The following PREP variants were observed in gnomAD, a reference collection of about 807,000 sequenced individuals.
PREP encodes dJ355L5.1 (prolyl endopeptidase).
Under a neutral mutation model 87.6 loss-of-function variants are expected in PREP, and 29 were observed. The observed-to-expected ratio is 0.33, with a 90% CI of 0.25 to 0.45. The LOEUF (loss-of-function observed/expected upper bound fraction) is 0.45. Ranked by LOEUF, PREP falls within the 20% of genes least tolerant of loss-of-function variation. The pLI, the probability that PREP is intolerant of heterozygous loss-of-function variation, is 1.00. For synonymous variants in PREP, 337 were observed against 328.6 expected, an observed-to-expected ratio of 1.03 and a Z score of -0.28; for missense variants, 695 against 886.5, an observed-to-expected ratio of 0.78 and a Z score of 2.74.
Position 105,382,270 on chromosome 6 carries a change from AACACACACACACACACAC to A in PREP, c.121-4769_121-4752del, listed in dbSNP as rs146759488. Among the ~76,000 whole-genome samples the A allele has an allele frequency of 8.5e-3, 1,216 of 143,112 alleles. 11 individuals are homozygous for A. The highest frequency in any genetic ancestry group is 0.029 in the African/African-American group (1,161 of 39,418). 93.9% of individuals were successfully genotyped at this position (143,112 alleles called of 152,430 possible). A position where few individuals can be genotyped will look rare whatever the true frequency, so the allele number is the denominator to read the frequency against. ...GCTAAGAGGGATTTTAAGCGTTCTC[AACACACACACACACACAC>A]ACACACACACACACACACACACACA... On this transcript the variant is annotated intron_variant, in intron 2 of 14. Transcript: ENST00000652536.
At chr6:105,328,617 G>A (rs1424826605) in intron 9 of PREP, among the ~76,000 whole-genome samples, 2 of 152,128 alleles carry the variant, frequency 1.3e-5, no homozygotes, top group Non-Finnish European at 2.9e-5. Context: ...CAGAGACTTG[G>A]AATATAAGAT....
rs984764815 is a variant in PREP, at chr6:105,277,510, A to AC, written c.*633dup. ...GGTCAGTGTTTGTTTATGACAGTGA[A>AC]CCCCCTCTGACAGCTTCATCACCTC... On this transcript the variant is annotated 3_prime_UTR_variant, in exon 15 of 15. Coordinates refer to ENST00000652536, the MANE Select transcript of PREP (RefSeq NM_002726.5). The AC allele has an allele frequency of 2.6e-5, 4 of 152,166 alleles. No individual in the cohort carries two copies. The highest frequency in any genetic ancestry group is 7.3e-5 in the African/African-American group (3 of 41,228). The allele number at this position is 152,166 out of a possible 1,614,324, so 9.4% of individuals were successfully genotyped here.
chr6:105,282,937 A>AAAT (rs1180836093), intron 12 of PREP, among the ~76,000 whole-genome samples: 3 of 152,236 alleles, frequency 2.0e-5, no homozygotes, highest in African/African-American at 7.2e-5. Flanking sequence ...CTGAACTTAC[A>AAAT]AATATAAAGC....
intron 2 of PREP, among the ~76,000 whole-genome samples, chr6:105,386,126 G>A (rs925791509): frequency 2.0e-5 from 3 of 152,020 alleles, no homozygotes; most frequent in Admixed American, 6.6e-5. Flanking sequence ...CTCAAAGAAA[G>A]AAAGAAAAAA....
At chr6:105,354,635 ACAC>A (rs1772044430) in intron 6 of PREP, among the ~76,000 whole-genome samples, 1 of 152,198 alleles carries the variant, frequency 6.6e-6, no homozygotes, top group Middle Eastern at 3.4e-3. Flanking sequence ...CCTTAACAGA[ACAC>A]TGACCTCTGC....
At chr6:105,387,607 T>TA (rs564808829) in intron 2 of PREP, among the ~76,000 whole-genome samples, 1,448 of 94,308 alleles carry the variant, frequency 0.015, 12 homozygotes, top group Non-Finnish European at 0.024. Context: ...GCTGATGAGC[T>TA]AAAAAAAAAA....
intron 10 of PREP, chr6:105,302,711 C>T (rs565512867): frequency 3.7e-5 from 19 of 510,320 alleles, no homozygotes; most frequent in African/African-American, 2.9e-4. Flanking sequence ...GAGACCGCGC[C>T]GCCTGTCAGT....
chr6:105,401,198 TAAAC>T (rs1252725416), intron 1 of PREP, among the ~76,000 whole-genome samples: 1 of 152,184 alleles, frequency 6.6e-6, no homozygotes, highest in East Asian at 1.9e-4. Context: ...CAAACATAAA[TAAAC>T]AAACTGTAGG....
rs113488694 is a variant in PREP at position 105,274,821 on chromosome 6, G to GC, written c.*3322dup. ...AGCTCCTGGGGTTACTGCCCTGCCT[G>GC]CCCACCTCCTGGCTGGGGAACTTGG... On this transcript the variant is annotated 3_prime_UTR_variant, in exon 15 of 15. Transcript: ENST00000652536. 2.2e-3 allele frequency among the ~76,000 whole-genome samples: 330 copies of GC among 152,298 alleles called. 4 individuals are homozygous for GC. Among genetic ancestry groups the GC allele is most frequent in the African/African-American group, 7.6e-3 (315 of 41,556 alleles).
chr6:105,342,064 T>G (rs1474444996), intron 7 of PREP, among the ~76,000 whole-genome samples: 3 of 152,200 alleles, frequency 2.0e-5, no homozygotes, highest in Non-Finnish European at 2.9e-5. Context: ...TACCAAAGCC[T>G]GGCAGAGACA....
chr6:105,388,067 G>C (rs973905452), intron 2 of PREP, among the ~76,000 whole-genome samples: 9 of 152,218 alleles, frequency 5.9e-5, no homozygotes, highest in Admixed American at 5.9e-4. Context: ...GTGGCATTGG[G>C]GTAGCCAGCA....
intron 5 of PREP, among the ~76,000 whole-genome samples, chr6:105,371,335 T>C (rs1772536405): frequency 6.6e-6 from 1 of 151,896 alleles, no homozygotes; most frequent in Non-Finnish European, 1.5e-5. Context: ...AAACCCCATC[T>C]CTACTAAAAA....
In PREP at chr6:105,373,433, G is replaced by T; in HGVS notation, c.531C>A (p.Ala177=). 6.2e-7 allele frequency: 1 copy of T among 1,614,194 alleles called. No individual in the cohort carries two copies. Among genetic ancestry groups the T allele is most frequent in the Non-Finnish European group, 8.5e-7 (1 of 1,180,042 alleles). The part of the protein sequence containing the change: ...VLERVKFSCM[A]WTHDGKGMFY... ...ACATTCCCTTCCCATCATGGGTCCA[G>T]GCCATACAGCTGAACTTGACTCTTT... The change falls in exon 5 of 15, where the codon GCC becomes GCA. Residue 177 remains alanine, a synonymous_variant. Coordinates refer to ENST00000652536, the MANE Select transcript of PREP (RefSeq NM_002726.5).
At chr6:105,398,266 T>TA (rs1175576050) in intron 1 of PREP, among the ~76,000 whole-genome samples, 1 of 152,056 alleles carries the variant, frequency 6.6e-6, no homozygotes, top group Admixed American at 6.5e-5. Flanking sequence ...AATGACACAA[T>TA]ACAGTGGACA....
intron 4 of PREP, among the ~76,000 whole-genome samples, chr6:105,375,258 C>T (rs1386392435): frequency 6.6e-6 from 1 of 152,138 alleles, no homozygotes; most frequent in African/African-American, 2.4e-5. Flanking sequence ...CTATAACTCC[C>T]ATCTTATTGA....
At chr6:105,393,566 A>C (rs1486231109) in intron 2 of PREP, among the ~76,000 whole-genome samples, 1 of 152,224 alleles carries the variant, frequency 6.6e-6, no homozygotes, top group Admixed American at 6.5e-5. Flanking sequence ...ATATTTTGTA[A>C]AGAAACAGAG....
At chr6:105,344,491 C>CAA (rs35275950) in intron 7 of PREP, among the ~76,000 whole-genome samples, 7,773 of 103,248 alleles carry the variant, frequency 0.075, 253 homozygotes, top group Middle Eastern at 0.12. Flanking sequence ...GACTCCGTCT[C>CAA]AAAAAAAAAA....
intron 10 of PREP, among the ~76,000 whole-genome samples, chr6:105,290,951 C>T (rs1003969775): frequency 6.6e-6 from 1 of 152,132 alleles, no homozygotes; most frequent in East Asian, 1.9e-4. Context: ...AGGCATACCT[C>T]GGAGATATAT....
intron 2 of PREP, among the ~76,000 whole-genome samples, chr6:105,385,828 G>C (rs752261220): frequency 6.6e-6 from 1 of 152,094 alleles, no homozygotes; most frequent in Non-Finnish European, 1.5e-5. Flanking sequence ...TAAAAAACAC[G>C]ACCAATTGTC....
Sources: gnomAD v4.1 joint callset for allele counts (sites outside exome capture counted in the v4.1 genomes callset) on GRCh38, gnomAD v4.1.1 for gene constraint, MANE v1.5 for transcripts, NCBI Gene and HGNC (gene_info 2026-07-23, HGNC 2026-07-21) for gene names.